The following DHRSX variants were observed in gnomAD, a reference collection of about 807,000 sequenced individuals.
DHRSX encodes polyprenol dehydrogenase.
DHRSX carries 31 observed loss-of-function variants against 34.0 expected under a neutral mutation model. The observed-to-expected ratio is 0.91, with a 90% confidence interval of 0.69 to 1.23. The LOEUF (loss-of-function observed/expected upper bound fraction) is 1.23, where lower values mean the gene tolerates loss of function less well. DHRSX is among the 50% of genes most tolerant of loss of function. The pLI is 0.00. For missense variants in DHRSX, 414 were observed against 428.1 expected, an observed-to-expected ratio of 0.97 and a Z score of 0.29; for synonymous variants, 201 against 183.8, an observed-to-expected ratio of 1.09 and a Z score of -0.76.
chrX:2,219,884 T>C lies in DHRSX; in HGVS notation c.*1157A>G, dbSNP rs1289458396. On this transcript the variant is annotated 3_prime_UTR_variant, in exon 7 of 7. Transcript: ENST00000334651. ...CATCTATCTCTCTAACACCAAAGGA[T>C]TGAGCCTTCCTTGCCTGGCTGGTGA... is the stretch of plus-strand genomic sequence containing the variant. The C allele has an allele frequency of 1.3e-5, 2 of 152,202 alleles. No homozygotes were observed. Among genetic ancestry groups the C allele is most frequent in the East Asian group, 1.9e-4 (1 of 5,202 alleles). The allele number at this position is 152,202 out of a possible 1,614,324, so 9.4% of individuals were successfully genotyped here.
intron 1 of DHRSX, among the ~76,000 whole-genome samples, chrX:2,427,552 C>T (rs1198362941): frequency 1.3e-5 from 2 of 152,142 alleles, no homozygotes; most frequent in African/African-American, 2.4e-5. Context: ...GTACTGGCCA[C>T]AGGGGTGCTG....
At chrX:2,437,376 T>C (rs1485401529) in intron 1 of DHRSX, among the ~76,000 whole-genome samples, 4 of 151,476 alleles carry the variant, frequency 2.6e-5, no homozygotes, top group African/African-American at 9.7e-5. Context: ...GAGGCCGAGG[T>C]AGAAAAATCA....
chrX:2,298,599 T>TGTAC (rs1161137080), intron 3 of DHRSX, among the ~76,000 whole-genome samples: 1 of 58,230 alleles, frequency 1.7e-5, no homozygotes, highest in Non-Finnish European at 2.8e-5. Context: ...CAGGCGCGTG[T>TGTAC]GTACACACAC....
At chrX:2,425,061 AC>A (rs2043824984) in intron 2 of DHRSX, 135 bp downstream of exon 2, 2 of 668,858 alleles carry the variant, frequency 3.0e-6, no homozygotes, top group Admixed American at 5.5e-5. Context: ...AATCACTTTA[AC>A]CCAGGAGGTG....
At chrX:2,327,032 C>T (rs1432472794) in intron 3 of DHRSX, among the ~76,000 whole-genome samples, 1 of 152,128 alleles carries the variant, frequency 6.6e-6, no homozygotes, top group African/African-American at 2.4e-5. Flanking sequence ...AGGCTGGTCT[C>T]GCACTCCTGA....
intron 5 of DHRSX, among the ~76,000 whole-genome samples, chrX:2,248,637 A>G (rs1479718870): frequency 8.2e-6 from 1 of 121,486 alleles, no homozygotes; most frequent in Non-Finnish European, 2.0e-5. Context: ...GAAAAAGAAA[A>G]GAAAAGAAAA....
chrX:2,284,878 A>C (rs2041786000), intron 4 of DHRSX, among the ~76,000 whole-genome samples: 1 of 152,214 alleles, frequency 6.6e-6, no homozygotes, highest in African/African-American at 2.4e-5. Flanking sequence ...TGAAGTATTT[A>C]ATGTTTGCAA....
intron 1 of DHRSX, chrX:2,488,839 G>T (rs375144336): frequency 5.2e-5 from 84 of 1,613,654 alleles, no homozygotes; most frequent in Non-Finnish European, 6.9e-5. Flanking sequence ...CGCTGACCAC[G>T]TTGGCGGCGG....
At chrX:2,282,776 G>C (rs1002140797) in intron 4 of DHRSX, among the ~76,000 whole-genome samples, 1 of 99,340 alleles carries the variant, frequency 1.0e-5, no homozygotes, top group Non-Finnish European at 2.3e-5. Context: ...AAGCGAGGGA[G>C]GGAGGGGGAG....
At chrX:2,239,999 T>C (rs1156500277) in intron 6 of DHRSX, among the ~76,000 whole-genome samples, 1 of 151,378 alleles carries the variant, frequency 6.6e-6, no homozygotes, top group East Asian at 2.0e-4. Context: ...AACTGCAAAA[T>C]AAGGGATGTA....
At chrX:2,239,899 C>T (rs972602290) in intron 6 of DHRSX, among the ~76,000 whole-genome samples, 3 of 152,142 alleles carry the variant, frequency 2.0e-5, no homozygotes, top group African/African-American at 7.2e-5. Flanking sequence ...GTATTGCTAG[C>T]GAATACTTAG....
chrX:2,331,271 G>A (rs2042468499), intron 3 of DHRSX, among the ~76,000 whole-genome samples: 1 of 151,988 alleles, frequency 6.6e-6, no homozygotes, highest in Non-Finnish European at 1.5e-5. Context: ...CATAGCAGAA[G>A]TGACTTCCTC....
chrX:2,443,236 T>C (rs1483363528), intron 1 of DHRSX, among the ~76,000 whole-genome samples: 2 of 151,810 alleles, frequency 1.3e-5, no homozygotes, highest in African/African-American at 2.4e-5. Context: ...TCTCACTGCG[T>C]TGCCCATGCT....
chrX:2,471,467 T>A (rs1257473549), intron 1 of DHRSX, among the ~76,000 whole-genome samples: 3 of 140,726 alleles, frequency 2.1e-5, no homozygotes, highest in Non-Finnish European at 4.5e-5. Flanking sequence ...CTCAGGAGAC[T>A]GAGGCAGAAT....
At chrX:2,468,302 A>T (rs181320198) in intron 1 of DHRSX, among the ~76,000 whole-genome samples, 1 of 152,226 alleles carries the variant, frequency 6.6e-6, no homozygotes, top group African/African-American at 2.4e-5. Context: ...GGGCAGGGGA[A>T]GGAATGAATG....
Position 2,467,358 on chromosome X carries a change from T to C in DHRSX, c.109+33459A>G, listed in dbSNP as rs1569504162. 2.0e-5 allele frequency among the ~76,000 whole-genome samples: 3 copies of C among 152,150 alleles called. No individual in the cohort carries two copies. The South Asian group carries it at 6.2e-4, about 32-fold the overall frequency. On this transcript the variant is annotated intron_variant, in intron 1 of 6. Coordinates refer to ENST00000334651, the MANE Select transcript of DHRSX (RefSeq NM_145177.3). ...CGTCCACTGCAAAGCTCCGTGGCAG[T>C]TAGCTCTAGTCAGTTTGTTCACAGC... is the stretch of plus-strand genomic sequence containing the variant.
At chrX:2,485,326 C>G (rs989919374) in intron 1 of DHRSX, among the ~76,000 whole-genome samples, 1 of 151,908 alleles carries the variant, frequency 6.6e-6, no homozygotes, top group African/African-American at 2.4e-5. Flanking sequence ...CCTTTCAACC[C>G]AAAACGTGCA....
At position 2,221,152 on chromosome X, in the gene DHRSX, T is replaced by G. The variant is rs779275633; in HGVS notation, c.882A>C (p.Leu294=). 4.5e-5 allele frequency: 72 copies of G among 1,613,714 alleles called. No homozygotes were observed. The highest frequency in any genetic ancestry group is 6.0e-5 in the Non-Finnish European group (71 of 1,179,836). ...PELEGVGGHY[L]YNEKETKSLH... ...GGGACTTGGTCTCTTTCTCGTTGTA[T>G]AGGTAATGGCCACCAACTCCTTCCA... Residue 294 remains leucine (L), a synonymous_variant, in exon 7 of 7, where the codon CTA becomes CTC. Coordinates refer to ENST00000334651, the MANE Select transcript of DHRSX (RefSeq NM_145177.3).
intron 5 of DHRSX, among the ~76,000 whole-genome samples, chrX:2,250,936 A>C (rs2016421388): frequency 6.6e-6 from 1 of 152,168 alleles, no homozygotes. Flanking sequence ...CCAAAGACAG[A>C]GTGGATCACA....
Sources: gnomAD v4.1 joint callset for allele counts (sites outside exome capture counted in the v4.1 genomes callset) on GRCh38, gnomAD v4.1.1 for gene constraint, MANE v1.5 for transcripts, NCBI Gene and HGNC (gene_info 2026-07-23, HGNC 2026-07-21) for gene names.